Variants in EPB41 observed in about 807,000 individuals in gnomAD.
The protein encoded by EPB41 is erythrocyte membrane protein band 4.1.
EPB41 carries 65 observed loss-of-function variants against 108.0 expected under a neutral mutation model. The ratio of observed to expected loss-of-function variants is 0.60; its 90% confidence interval spans 0.49 to 0.74. The LOEUF is 0.74. Among genes scored for constraint, EPB41 ranks in the 30% least tolerant of loss-of-function variants. EPB41 has a pLI of 0.00. For missense variants in EPB41, 875 were observed against 1,037.0 expected (o/e 0.84, Z 2.15); for synonymous variants, 336 against 358.9 (o/e 0.94, Z 0.72).
At chr1:29,082,791 C>T (rs960232089) in intron 16 of EPB41, among the ~76,000 whole-genome samples, 7 of 152,104 alleles carry the variant, frequency 4.6e-5, no homozygotes, top group Admixed American at 3.9e-4. Context: ...TTTTCTATTA[C>T]CTAATAGTTA....
At chr1:29,058,559 G>T in intron 12 of EPB41, 30 bp from the exon 13 acceptor site, 1 of 1,601,428 alleles carries the variant, frequency 6.2e-7, no homozygotes. Context: ...AACCTAAAAT[G>T]TTTTTACTAC....
Position 29,115,742 on chromosome 1 carries a change from A to G in EPB41, c.2540A>G (p.Asp847Gly). ...AAGGAGGCAAAGGAGCAGCACCCAG[A>G]CATGTCAGTGACCAAGGTGGTCGTC... ...AIKEAKEQHP[D>G]MSVTKVVVHQ... Residue 847 changes from aspartate to glycine, a missense_variant, in exon 20 of 21, where the codon GAC (aspartate) becomes GGC (glycine). Around this residue, in one of 3 missense-constraint regions of EPB41, gnomAD observed 519 missense variants for 627.3 expected, o/e 0.83. Coordinates refer to ENST00000343067, the MANE Select transcript of EPB41 (RefSeq NM_001376013.1). The surrounding 1 kb of genome is among the most constrained non-coding windows in gnomAD (Gnocchi z 4.4). 1.9e-6 allele frequency: 3 copies of G among 1,614,134 alleles called. No homozygotes were observed. Among genetic ancestry groups the G allele is most frequent in the Non-Finnish European group, 2.5e-6 (3 of 1,180,026 alleles).
intron 3 of EPB41, among the ~76,000 whole-genome samples, chr1:28,996,764 GT>G (rs2096186746): frequency 6.6e-6 from 1 of 152,170 alleles, no homozygotes; most frequent in African/African-American, 2.4e-5. Flanking sequence ...CCACCTGAAA[GT>G]TTGTTGATCA....
intron 4 of EPB41, among the ~76,000 whole-genome samples, chr1:28,997,803 C>T (rs61523154): frequency 9.2e-5 from 14 of 151,984 alleles, no homozygotes; most frequent in African/African-American, 2.7e-4. Flanking sequence ...ACGGTCATAA[C>T]GATGAATCTG....
intron 2 of EPB41, among the ~76,000 whole-genome samples, chr1:28,989,024 G>A (rs1265098479): frequency 3.3e-5 from 5 of 152,194 alleles, no homozygotes; most frequent in Non-Finnish European, 7.3e-5. Flanking sequence ...TTAGGAACAG[G>A]ACGGTTATCA....
Position 28,887,478 on chromosome 1 carries a change from T to A in EPB41, c.-8+268T>A. The A allele has an allele frequency of 1.0e-6, 1 of 985,072 alleles. No homozygotes were observed. The highest frequency in any genetic ancestry group is 1.7e-5 in the African/African-American group (1 of 57,258). The allele number at this position is 985,072 out of a possible 1,614,324, so 61.0% of individuals were successfully genotyped here. On this transcript the variant is annotated intron_variant, in intron 1 of 16. Transcript: ENST00000347529. The surrounding 1 kb of genome is among the most constrained non-coding windows in gnomAD (Gnocchi z 4.9). ...GAGCTCGGATCCGGAGCTAGACACGTCCGGGTCCGGCCGGTCCTGGCTGTC... is the reference window on the plus strand; with the variant it reads ...GAGCTCGGATCCGGAGCTAGACACGACCGGGTCCGGCCGGTCCTGGCTGTC...
intron 1 of EPB41, among the ~76,000 whole-genome samples, chr1:28,928,832 T>C (rs996924292): frequency 6.6e-6 from 1 of 152,186 alleles, no homozygotes; most frequent in East Asian, 1.9e-4. Flanking sequence ...ACATTAATTA[T>C]AGAAGAACTA....
chr1:29,108,965 G>A (rs1322302215), intron 17 of EPB41, among the ~76,000 whole-genome samples: 2 of 151,252 alleles, frequency 1.3e-5, no homozygotes, highest in African/African-American at 4.9e-5. Context: ...TTGGGAGGCC[G>A]AGGCAGGCGG....
intron 11 of EPB41, 50 bp downstream of exon 11, chr1:29,039,476 G>A: frequency 6.2e-7 from 1 of 1,606,788 alleles, no homozygotes; most frequent in Non-Finnish European, 8.5e-7. Flanking sequence ...CATTTGGAAA[G>A]ATAAAGGAAG....
intron 10 of EPB41, among the ~76,000 whole-genome samples, chr1:29,038,890 C>T (rs1026631734): frequency 2.0e-5 from 3 of 152,272 alleles, no homozygotes; most frequent in South Asian, 2.1e-4. Context: ...TGTTACTGCC[C>T]AATGTCCTAA....
intron 17 of EPB41, among the ~76,000 whole-genome samples, chr1:29,106,795 A>G: frequency 6.8e-6 from 1 of 146,652 alleles, no homozygotes; most frequent in East Asian, 2.1e-4. Context: ...CTGGTCTTGA[A>G]CTCCTGACCT....
At chr1:28,968,454 T>C (rs2095414545) in intron 1 of EPB41, among the ~76,000 whole-genome samples, 1 of 152,192 alleles carries the variant, frequency 6.6e-6, no homozygotes, top group African/African-American at 2.4e-5. Context: ...TCCTCATGTT[T>C]TTCTAAAAAT....
rs1189761502 is a variant in EPB41 at position 28,914,853 on chromosome 1, C to G, written c.-8+85C>G. 6 of 152,580 alleles carry G rather than the reference C, an allele frequency of 3.9e-5. No homozygotes were observed. In the East Asian group the frequency reaches 1.2e-3, roughly 30 times the overall value. 9.5% of individuals were successfully genotyped at this position (152,580 alleles called of 1,614,324 possible). A position where few individuals can be genotyped will look rare whatever the true frequency, so the allele number is the denominator to read the frequency against. ...GTGGGGACGGTCCTGGCGGCCGCGG[C>G]GGCGCTGCAGCCTCTTTGTCTGCAA... On this transcript the variant is annotated intron_variant, in intron 1 of 20. Coordinates refer to ENST00000343067, the MANE Select transcript of EPB41 (RefSeq NM_001376013.1).
At chr1:29,111,601 C>T (rs950839522) in intron 18 of EPB41, among the ~76,000 whole-genome samples, 3 of 151,620 alleles carry the variant, frequency 2.0e-5, no homozygotes, top group Non-Finnish European at 2.9e-5. Flanking sequence ...TGCAGTGAGC[C>T]GAGATCGCAC....
chr1:29,033,085 T>C lies in EPB41; in HGVS notation c.1213-8T>C. 1 of 1,613,734 alleles carries C rather than the reference T, an allele frequency of 6.2e-7. No homozygotes were observed. The highest frequency in any genetic ancestry group is 8.5e-7 in the Non-Finnish European group (1 of 1,179,808). On this transcript the variant is annotated splice_region_variant and splice_polypyrimidine_tract_variant and intron_variant, in intron 8 of 20. Coordinates refer to ENST00000343067, the MANE Select transcript of EPB41 (RefSeq NM_001376013.1). Reference sequence around the variant, plus strand: ...CCAGACTGAAATCCTAACATTTTTCTTTTTCAGGACTTGGAAGGAGTAGAT... The same window carrying C: ...CCAGACTGAAATCCTAACATTTTTCCTTTTCAGGACTTGGAAGGAGTAGAT...
chr1:28,946,480 A>T (rs1380178609), intron 1 of EPB41, among the ~76,000 whole-genome samples: 1 of 152,224 alleles, frequency 6.6e-6, no homozygotes, highest in Non-Finnish European at 1.5e-5. Context: ...CAAAATGTGG[A>T]TGTAAACAAT....
chr1:29,026,084 AAG>A (rs141264614), intron 7 of EPB41, among the ~76,000 whole-genome samples: 63,561 of 151,790 alleles, frequency 0.42, 15,113 homozygotes, highest in South Asian at 0.56. Context: ...CTGGTGAGGT[AAG>A]GAGGACATCC....
intron 16 of EPB41, among the ~76,000 whole-genome samples, chr1:29,074,467 A>G (rs1470527534): frequency 6.6e-6 from 1 of 152,138 alleles, no homozygotes; most frequent in African/African-American, 2.4e-5. Context: ...ACTTTAGTGG[A>G]TAGTATTAAT....
intron 11 of EPB41, among the ~76,000 whole-genome samples, chr1:29,049,108 T>C (rs1394318679): frequency 1.2e-4 from 18 of 152,192 alleles, no homozygotes; most frequent in Admixed American, 5.2e-4. Context: ...CTTCCTCTTC[T>C]GTTATGTGTG....
Sources: allele counts gnomAD v4.1 joint callset (sites outside exome capture counted in the v4.1 genomes callset), GRCh38; gene constraint gnomAD v4.1.1; regional missense constraint gnomAD v4.1.1; non-coding constraint Gnocchi (gnomAD v3.1); transcripts MANE v1.5; gene names NCBI Gene and HGNC (gene_info 2026-07-23, HGNC 2026-07-21).